The following TRAPPC9 variants were observed in gnomAD, a reference collection of about 807,000 sequenced individuals.
TRAPPC9 encodes the protein IKK2 binding protein.
In TRAPPC9, 83 loss-of-function variants were observed where a neutral mutation model predicts 124.0. The ratio of observed to expected loss-of-function variants is 0.67; its 90% CI spans 0.56 to 0.80. The LOEUF (loss-of-function observed/expected upper bound fraction) is 0.80. TRAPPC9 is among the 30% of genes least tolerant of loss of function. The pLI, the probability that TRAPPC9 is intolerant of heterozygous loss-of-function variation, is 0.00. For missense variants in TRAPPC9, 1,302 were observed against 1,508.3 expected (o/e 0.86, Z 2.27); for synonymous variants, 638 against 617.5 (o/e 1.03, Z -0.49).
At chr8:139,967,527 AG>A (rs555246074) in intron 19 of TRAPPC9, among the ~76,000 whole-genome samples, 56 of 152,344 alleles carry the variant, frequency 3.7e-4, no homozygotes, top group Admixed American at 1.6e-3. Context: ...TTCCTGCCAA[AG>A]GGGGCTCCCA....
intron 21 of TRAPPC9, among the ~76,000 whole-genome samples, chr8:139,864,129 G>A (rs1017478725): frequency 6.6e-6 from 1 of 152,182 alleles, no homozygotes; most frequent in African/African-American, 2.4e-5. Context: ...CATTTATTCA[G>A]CTGGCGCCCA....
intron 19 of TRAPPC9, among the ~76,000 whole-genome samples, chr8:139,958,325 G>A (rs547606878): frequency 6.6e-6 from 1 of 152,252 alleles, no homozygotes; most frequent in Admixed American, 6.5e-5. Context: ...AAACCTCAAT[G>A]CCTTTTCTTT....
At chr8:140,180,535 G>A (rs1432194554) in intron 17 of TRAPPC9, among the ~76,000 whole-genome samples, 1 of 152,018 alleles carries the variant, frequency 6.6e-6, no homozygotes, top group Non-Finnish European at 1.5e-5. Context: ...TTCAAGATCT[G>A]AGGCATTGTT....
chr8:140,236,677 T>C (rs951646229), intron 16 of TRAPPC9, among the ~76,000 whole-genome samples: 1 of 152,224 alleles, frequency 6.6e-6, no homozygotes, highest in African/African-American at 2.4e-5. Flanking sequence ...ATAAATCTAG[T>C]AAAATCTGTG....
intron 15 of TRAPPC9, among the ~76,000 whole-genome samples, chr8:140,272,116 A>G (rs867386885): frequency 7.8e-4 from 94 of 120,224 alleles, no homozygotes; most frequent in Middle Eastern, 4.4e-3. Context: ...TGGTGGTGGC[A>G]ATGGTGATGG....
intron 19 of TRAPPC9, among the ~76,000 whole-genome samples, chr8:139,969,479 CG>C (rs1835922611): frequency 3.9e-5 from 6 of 152,326 alleles, no homozygotes; most frequent in Middle Eastern, 3.4e-3. Flanking sequence ...GGCCTAGGTT[CG>C]GATCCTGGCT....
rs369211645 is a variant in TRAPPC9 at position 139,911,752 on chromosome 8, T to C, written c.2811-1452A>G. ...CTTTTTTTTTTATTATTGCATAGAT[T>C]GTGCTGTGGCCAAAACATTCAGCAA... On this transcript the variant is annotated intron_variant, in intron 19 of 22. Transcript: ENST00000438773. Among the ~76,000 whole-genome samples the C allele has an allele frequency of 4.6e-5, 7 of 151,836 alleles. No individual in the cohort carries two copies. In the East Asian group the frequency reaches 5.8e-4, roughly 13 times the overall value.
chr8:139,951,855 G>C (rs1024567785), intron 19 of TRAPPC9, among the ~76,000 whole-genome samples: 2 of 152,212 alleles, frequency 1.3e-5, no homozygotes, highest in African/African-American at 4.8e-5. Flanking sequence ...CTCTTGAAAC[G>C]CTTAAGGCCA....
intron 17 of TRAPPC9, among the ~76,000 whole-genome samples, chr8:140,026,070 C>A (rs1457970720): frequency 1.3e-5 from 2 of 152,208 alleles, no homozygotes; most frequent in South Asian, 2.1e-4. Context: ...ATTTGACACT[C>A]TAGGCACCTT....
chr8:140,267,183 G>A (rs1428388703), intron 15 of TRAPPC9, among the ~76,000 whole-genome samples: 1 of 152,220 alleles, frequency 6.6e-6, no homozygotes, highest in African/African-American at 2.4e-5. Flanking sequence ...AGAGACTAGA[G>A]GGGGCCCCTC....
At chr8:140,020,601 G>A (rs1050243021) in intron 18 of TRAPPC9, among the ~76,000 whole-genome samples, 1 of 152,048 alleles carries the variant, frequency 6.6e-6, no homozygotes, top group East Asian at 1.9e-4. Flanking sequence ...ATTCCCACCT[G>A]GACAATGGAG....
chr8:140,117,941 C>T (rs1447304521), intron 17 of TRAPPC9, among the ~76,000 whole-genome samples: 3 of 152,218 alleles, frequency 2.0e-5, no homozygotes, highest in African/African-American at 7.2e-5. Flanking sequence ...CAAAGACCAA[C>T]AGTGCATTTG....
In TRAPPC9 at chr8:140,125,542, G is replaced by A. The variant is rs541186048; in HGVS notation, c.2556+95917C>T. 2.6e-5 allele frequency among the ~76,000 whole-genome samples: 4 copies of A among 151,552 alleles called. No individual in the cohort carries two copies. In the East Asian group the frequency reaches 5.8e-4, roughly 22 times the overall value. ...GGTGTGCAGGGGACCTGTGGGTGAC[G>A]GGAACATTCTAGGTCTTAGGCATGT... is the stretch of plus-strand genomic sequence containing the variant. On this transcript the variant is annotated intron_variant, in intron 17 of 22. Transcript: ENST00000438773.
chr8:140,389,934 CTG>C (rs2068876658), intron 7 of TRAPPC9, among the ~76,000 whole-genome samples: 1 of 151,766 alleles, frequency 6.6e-6, no homozygotes, highest in African/African-American at 2.4e-5. Flanking sequence ...ACAAAAATGT[CTG>C]CCATGAAGTA....
intron 9 of TRAPPC9, among the ~76,000 whole-genome samples, chr8:140,320,621 T>A (rs554100082): frequency 5.3e-5 from 8 of 152,190 alleles, no homozygotes; most frequent in Non-Finnish European, 1.2e-4. Context: ...ATCAGATAAG[T>A]CACTCTGCCT....
chr8:139,752,057 A>ACCAT (rs781549926), intron 21 of TRAPPC9, among the ~76,000 whole-genome samples: 1 of 149,064 alleles, frequency 6.7e-6, no homozygotes, highest in Non-Finnish European at 1.5e-5. Context: ...CCATCTCTCT[A>ACCAT]CCATCCATCC....
chr8:140,198,020 T>C (rs1340547199), intron 17 of TRAPPC9, among the ~76,000 whole-genome samples: 1 of 152,194 alleles, frequency 6.6e-6, no homozygotes, highest in Non-Finnish European at 1.5e-5. Flanking sequence ...GCAACACCCA[T>C]TCTAGGGAAA....
chr8:140,337,661 A>AC (rs1344781311), intron 9 of TRAPPC9, among the ~76,000 whole-genome samples: 1 of 152,154 alleles, frequency 6.6e-6, no homozygotes, highest in Non-Finnish European at 1.5e-5. Flanking sequence ...CCTGCCCTGA[A>AC]CCTGCTGCCT....
At chr8:140,435,787 C>G (rs111996308) in intron 3 of TRAPPC9, among the ~76,000 whole-genome samples, 3 of 152,336 alleles carry the variant, frequency 2.0e-5, no homozygotes, top group African/African-American at 7.2e-5. Context: ...ACTCGCTACA[C>G]AGTCCGTTCT....
Sources: gnomAD v4.1 joint callset for allele counts (sites outside exome capture counted in the v4.1 genomes callset) on GRCh38, gnomAD v4.1.1 for gene constraint, MANE v1.5 for transcripts, NCBI Gene and HGNC (gene_info 2026-07-23, HGNC 2026-07-21) for gene names.